The following UBXN4 variants were observed in gnomAD, a reference collection of about 807,000 sequenced individuals.
The protein encoded by UBXN4 is UBX domain-containing protein 4.
Under a neutral mutation model 66.2 loss-of-function variants are expected in UBXN4, and 35 were observed. The ratio of observed to expected loss-of-function variants is 0.53; its 90% CI spans 0.40 to 0.70. UBXN4 has a LOEUF of 0.70. UBXN4 is among the 30% of genes least tolerant of loss of function. The pLI is 0.00. For synonymous variants in UBXN4, 203 were observed against 204.5 expected (o/e 0.99, Z 0.06); for missense variants, 533 against 599.8 (o/e 0.89, Z 1.16).
At chr2:135,765,382 A>G (rs1391514985) in intron 6 of UBXN4, among the ~76,000 whole-genome samples, 2 of 150,788 alleles carry the variant, frequency 1.3e-5, no homozygotes, top group African/African-American at 4.9e-5. Flanking sequence ...GCTAATTTTT[A>G]TATTTTTAGT....
intron 6 of UBXN4, among the ~76,000 whole-genome samples, chr2:135,768,052 T>A (rs757063074): frequency 9.9e-5 from 15 of 152,168 alleles, no homozygotes; most frequent in Non-Finnish European, 1.8e-4. Context: ...CAAACACTTT[T>A]AGAGAAAATA....
Position 135,755,510 on chromosome 2 carries a change from T to G in UBXN4, c.334-7T>G. The G allele has an allele frequency of 6.4e-7, 1 of 1,557,784 alleles. No individual in the cohort carries two copies. Among genetic ancestry groups the G allele is most frequent in the South Asian group, 1.2e-5 (1 of 81,244 alleles). Reference sequence around the variant, plus strand: ...ATTAATTAAAATCCAATTTATTTTCTGCCTAGATGCATTTGCTAAAAAGTG... The same window carrying G: ...ATTAATTAAAATCCAATTTATTTTCGGCCTAGATGCATTTGCTAAAAAGTG... On this transcript the variant is annotated splice_polypyrimidine_tract_variant and splice_region_variant and intron_variant, in intron 4 of 12. Coordinates refer to ENST00000272638, the MANE Select transcript of UBXN4 (RefSeq NM_014607.4).
intron 1 of UBXN4, among the ~76,000 whole-genome samples, chr2:135,745,222 C>G (rs1438305): frequency 0.53 from 80,024 of 151,354 alleles, 25,382 homozygotes; most frequent in Non-Finnish European, 0.73. Flanking sequence ...ACTCTTCAGT[C>G]TCTTCTTGAG....
chr2:135,765,315 T>C (rs1159077583), intron 6 of UBXN4, among the ~76,000 whole-genome samples: 1 of 152,074 alleles, frequency 6.6e-6, no homozygotes, highest in East Asian at 1.9e-4. Context: ...ATTCAAGCGA[T>C]TCTCCTGCCT....
chr2:135,782,898 A>G lies in UBXN4; in HGVS notation c.*11A>G. On this transcript the variant is annotated 3_prime_UTR_variant, in exon 13 of 13. Transcript: ENST00000272638. ...ACTCAACAGATGTAGTGTGACAAGT[A>G]TAATATGTGCAATAATCATTGTTTC... The G allele has an allele frequency of 6.2e-7, 1 of 1,604,384 alleles. No homozygotes were observed. Among genetic ancestry groups the G allele is most frequent in the South Asian group, 1.1e-5 (1 of 89,820 alleles).
At chr2:135,759,527 C>T (rs1042129574) in intron 5 of UBXN4, among the ~76,000 whole-genome samples, 1 of 152,052 alleles carries the variant, frequency 6.6e-6, no homozygotes, top group African/African-American at 2.4e-5. Flanking sequence ...GTAAGATGTT[C>T]CTCTATCCCC....
chr2:135,744,652 G>A (rs1300962605), intron 1 of UBXN4, among the ~76,000 whole-genome samples: 1 of 152,146 alleles, frequency 6.6e-6, no homozygotes. Flanking sequence ...AAGACTGGCT[G>A]TATGAGGGTC....
intron 11 of UBXN4, 74 bp downstream of exon 11, chr2:135,779,153 A>T (rs1474060023): frequency 6.9e-7 from 1 of 1,446,062 alleles, no homozygotes; most frequent in Non-Finnish European, 9.2e-7. Context: ...TCTTATAATT[A>T]GGGGAAAGGA....
intron 9 of UBXN4, among the ~76,000 whole-genome samples, chr2:135,774,021 T>G (rs1246454245): frequency 6.6e-6 from 1 of 152,174 alleles, no homozygotes; most frequent in African/African-American, 2.4e-5. Flanking sequence ...TTTCCATAAA[T>G]TATAAACCTA....
intron 5 of UBXN4, among the ~76,000 whole-genome samples, chr2:135,759,296 A>G (rs958853432): frequency 1.6e-4 from 24 of 152,154 alleles, no homozygotes; most frequent in African/African-American, 5.8e-4. Flanking sequence ...AAAAATAACA[A>G]CAATACTATT....
At chr2:135,770,248 A>G (rs1403767488) in intron 7 of UBXN4, among the ~76,000 whole-genome samples, 1 of 152,164 alleles carries the variant, frequency 6.6e-6, no homozygotes, top group African/African-American at 2.4e-5. Context: ...TGGAGTTCTA[A>G]TATAGGAAGG....
chr2:135,743,934 A>C (rs1362037822), intron 1 of UBXN4, among the ~76,000 whole-genome samples: 1 of 152,030 alleles, frequency 6.6e-6, no homozygotes, highest in Non-Finnish European at 1.5e-5. Context: ...GAATATAATG[A>C]CTCTTGAATG....
intron 12 of UBXN4, among the ~76,000 whole-genome samples, chr2:135,780,770 T>G (rs1397985920): frequency 6.6e-6 from 1 of 152,266 alleles, no homozygotes. Context: ...GCATAATTAC[T>G]GTAGGTGAAC....
intron 2 of UBXN4, 115 bp downstream of exon 2, chr2:135,748,484 C>A (rs182871730): frequency 4.4e-6 from 3 of 686,126 alleles, no homozygotes; most frequent in Non-Finnish European, 6.4e-6. Context: ...ACTCCCAGCA[C>A]TTTGGGAGAC....
In UBXN4 at chr2:135,780,259, C is replaced by T. The variant is rs2077441408; in HGVS notation, c.1262C>T (p.Pro421Leu). The T allele has an allele frequency of 6.2e-7, 1 of 1,614,008 alleles. No individual in the cohort carries two copies. Among genetic ancestry groups the T allele is most frequent in the African/African-American group, 1.3e-5 (1 of 74,914 alleles). ...IWTLLGTVLY[P>L]FLAIWRLISN... ...ACCTTGTTGGGAACAGTGCTTTATC[C>T]ATTCCTTGCCATCTGGAGATTAATT... The change falls in exon 12 of 13, where the codon CCA (proline) becomes CTA (leucine). Residue 421 changes from proline (P) to leucine (L), a missense_variant. Physicochemically the swap from Pro to Leu is moderately conservative, Grantham distance 98. Coordinates refer to ENST00000272638, the MANE Select transcript of UBXN4 (RefSeq NM_014607.4).
intron 10 of UBXN4, among the ~76,000 whole-genome samples, chr2:135,778,499 CAAG>C (rs1489253706): frequency 4.6e-5 from 7 of 152,044 alleles, no homozygotes; most frequent in East Asian, 1.9e-4. Flanking sequence ...TGCCTTGAGA[CAAG>C]GAGGAGGCTA....
rs1427882543 is a variant in UBXN4 at position 135,753,566 on chromosome 2, C to T, written c.213C>T (p.Ile71=). The change falls in exon 3 of 13, where the codon ATC becomes ATT. Residue 71 remains isoleucine (I), a splice_region_variant and synonymous_variant. Coordinates refer to ENST00000272638, the MANE Select transcript of UBXN4 (RefSeq NM_014607.4). ...KSEACLQFSQ[I]YPVVCVPSSF... ...AAGCCTGCCTACAGTTTTCACAAAT[C>T]TGTATCCTTTCAGTAAAGAATGGCT... 6.5e-7 allele frequency: 1 copy of T among 1,532,912 alleles called. No homozygotes were observed. Among genetic ancestry groups the T allele is most frequent in the Non-Finnish European group, 8.7e-7 (1 of 1,151,516 alleles). 95.0% of individuals were successfully genotyped at this position (1,532,912 alleles called of 1,614,324 possible). A position where few individuals can be genotyped will look rare whatever the true frequency, so the allele number is the denominator to read the frequency against.
rs577258230 is a variant in UBXN4, at chr2:135,780,088, A to G, written c.1186-95A>G. The G allele has an allele frequency of 6.7e-6, 8 of 1,191,418 alleles. No individual in the cohort carries two copies. The African/African-American group carries it at 1.1e-4, about 16-fold the overall frequency. 73.8% of individuals were successfully genotyped at this position (1,191,418 alleles called of 1,614,324 possible). A position where few individuals can be genotyped will look rare whatever the true frequency, so the allele number is the denominator to read the frequency against. ...CTTGAAGTAAACTAAAATTGGTAGG[A>G]CCTCCTTTTCCAGATAAAAGTTTCA... On this transcript the variant is annotated intron_variant, in intron 11 of 12. Transcript: ENST00000272638.
chr2:135,750,526 T>TA (rs1189784797), intron 2 of UBXN4, among the ~76,000 whole-genome samples: 1 of 151,906 alleles, frequency 6.6e-6, no homozygotes, highest in African/African-American at 2.4e-5. Context: ...AAAATAAAAA[T>TA]AAAAAAATAA....
Sources: gnomAD v4.1 joint callset for allele counts (sites outside exome capture counted in the v4.1 genomes callset) on GRCh38, gnomAD v4.1.1 for gene constraint, MANE v1.5 for transcripts, NCBI Gene and HGNC (gene_info 2026-07-23, HGNC 2026-07-21) for gene names.